The following CNOT6L variants were observed in gnomAD, a reference collection of about 807,000 sequenced individuals.
The protein encoded by CNOT6L is CCR4-NOT transcription complex subunit 6-like.
CNOT6L carries 7 observed loss-of-function variants against 64.0 expected under a neutral mutation model. That is an observed-to-expected ratio of 0.11 (90% confidence interval 0.06 to 0.21). The LOEUF (loss-of-function observed/expected upper bound fraction) is 0.21. Ranked by LOEUF, CNOT6L falls within the 10% of genes least tolerant of loss-of-function variation. CNOT6L has a pLI of 1.00. For synonymous variants in CNOT6L, 193 were observed against 243.4 expected (o/e 0.79, Z 1.93); for missense variants, 245 against 669.0 (o/e 0.37, Z 6.99).
At chr4:77,756,773 A>AAAAACAG in intron 5 of CNOT6L, 89 bp downstream of exon 5, 1 of 765,558 alleles carries the variant, frequency 1.3e-6, no homozygotes, top group South Asian at 1.9e-5. Context: ...GGCAATTATA[A>AAAAACAG]AAAACAGTCA....
chr4:77,738,082 GA>G (rs1231331683), intron 8 of CNOT6L, among the ~76,000 whole-genome samples: 2 of 151,648 alleles, frequency 1.3e-5, no homozygotes, highest in Non-Finnish European at 2.9e-5. Flanking sequence ...GATAATAGAA[GA>G]AAAAAAAGCA....
At chr4:77,740,800 G>A (rs1230752589) in intron 8 of CNOT6L, among the ~76,000 whole-genome samples, 2 of 152,114 alleles carry the variant, frequency 1.3e-5, no homozygotes, top group Admixed American at 1.3e-4. Flanking sequence ...TGATGATGTA[G>A]GTGTCTTAAC....
Position 77,773,164 on chromosome 4 carries a change from T to A in CNOT6L, c.317A>T (p.Glu106Val). The A allele has an allele frequency of 1.3e-6, 2 of 1,554,370 alleles. No homozygotes were observed. Among genetic ancestry groups the A allele is most frequent in the Admixed American group, 2.1e-5 (1 of 46,742 alleles). Reference protein sequence around the residue: ...AELGNMVSLRELLLNNNLLRV... With the variant: ...AELGNMVSLRVLLLNNNLLRV... ...TAACAGATTGTTATTTAAAAGCAAT[T>A]CCCTGTTTTAAAAAAAAAAAAAAAA... Residue 106 changes from glutamate to valine, a missense_variant and splice_region_variant, in exon 4 of 12, where the codon GAA (glutamate) becomes GTA (valine). Glu to Val is a moderately radical substitution (Grantham distance 121). This residue lies in a region of CNOT6L where 78 missense variants were observed against 137.6 expected (regional missense o/e 0.57). Transcript: ENST00000504123.
At chr4:77,784,500 A>ATT (rs71214369) in intron 1 of CNOT6L, among the ~76,000 whole-genome samples, 14,466 of 144,664 alleles carry the variant, frequency 0.1, 998 homozygotes, top group Non-Finnish European at 0.15. Context: ...AATATAATCT[A>ATT]TTTTTTTTTT....
intron 1 of CNOT6L, among the ~76,000 whole-genome samples, chr4:77,783,992 C>T (rs1329965143): frequency 6.6e-6 from 1 of 151,032 alleles, no homozygotes; most frequent in Non-Finnish European, 1.5e-5. Flanking sequence ...CAATAAAGTC[C>T]CTAGATGAAT....
At chr4:77,807,276 C>A (rs1272750166) in intron 1 of CNOT6L, among the ~76,000 whole-genome samples, 351 of 108,118 alleles carry the variant, frequency 3.2e-3, no homozygotes, top group African/African-American at 4.1e-3. Flanking sequence ...GACTCCATCT[C>A]AAAAAAAAAA....
In CNOT6L at chr4:77,774,704, C is replaced by A; in HGVS notation, c.140G>T (p.Ser47Ile). Residue 47 changes from serine (S) to isoleucine (I), a missense_variant, in exon 3 of 12, where the codon AGC (serine) becomes ATC (isoleucine). By Grantham distance (142) the Ser-to-Ile change is moderately radical. Transcript: ENST00000504123. ...CAATGACCAAAGTGATGTACTTAGG[C>A]TCCGCACTCTACCTAAAAGGCAAAA... is the stretch of plus-strand genomic sequence containing the variant. The part of the protein sequence containing the change: ...AELEISGRVR[S>I]LSTSLWSLTH... 6.3e-7 allele frequency: 1 copy of A among 1,586,926 alleles called. No individual in the cohort carries two copies. Among genetic ancestry groups the A allele is most frequent in the Non-Finnish European group, 8.6e-7 (1 of 1,169,188 alleles).
Position 77,801,117 on chromosome 4 carries a change from A to G in CNOT6L, c.5+18187T>C, listed in dbSNP as rs1288988688. On this transcript the variant is annotated intron_variant, in intron 1 of 11. Coordinates refer to ENST00000504123, the MANE Select transcript of CNOT6L (RefSeq NM_144571.3). ...AAGGATAAAGAACAAGAGAACTTAC[A>G]ATGGCTTTGAGTCAAGCTTGGTTCC... is the stretch of plus-strand genomic sequence containing the variant. 3.3e-5 allele frequency among the ~76,000 whole-genome samples: 5 copies of G among 152,304 alleles called. No individual in the cohort carries two copies. The East Asian group carries it at 9.7e-4, about 29-fold the overall frequency.
chr4:77,765,777 G>A (rs914104130), intron 4 of CNOT6L, among the ~76,000 whole-genome samples: 7 of 152,092 alleles, frequency 4.6e-5, no homozygotes, highest in African/African-American at 1.7e-4. Flanking sequence ...TACTTATATA[G>A]GCAACTAAAC....
At chr4:77,730,557 T>C (rs544107198) in intron 9 of CNOT6L, among the ~76,000 whole-genome samples, 8 of 151,974 alleles carry the variant, frequency 5.3e-5, no homozygotes, top group Admixed American at 1.3e-4. Flanking sequence ...AAGAATAAGA[T>C]TGTAAAGGAC....
chr4:77,727,141 A>ATTGTGT (rs1721946313), intron 10 of CNOT6L, among the ~76,000 whole-genome samples: 2 of 152,252 alleles, frequency 1.3e-5, no homozygotes, highest in African/African-American at 4.8e-5. Flanking sequence ...TCAGTATTGT[A>ATTGTGT]AATAGCTCAG....
At position 77,718,045 on chromosome 4, in the gene CNOT6L, T is replaced by TA. The variant is rs397732805; in HGVS notation, c.*2385dup. ...GTTTACAATGTTTCCCATTTTTTTT[T>TA]ATTTTTTCCCTCTACATTTAACTAT... On this transcript the variant is annotated 3_prime_UTR_variant, in exon 12 of 12. Transcript: ENST00000504123. 1 of 152,222 alleles carries TA rather than the reference T, an allele frequency of 6.6e-6. No homozygotes were observed. The highest frequency in any genetic ancestry group is 1.5e-5 in the Non-Finnish European group (1 of 67,940). 9.4% of individuals were successfully genotyped at this position (152,222 alleles called of 1,614,324 possible).
intron 8 of CNOT6L, among the ~76,000 whole-genome samples, chr4:77,734,623 C>A (rs561228523): frequency 1.1e-4 from 17 of 152,214 alleles, no homozygotes; most frequent in African/African-American, 3.6e-4. Flanking sequence ...AATCTAAGAG[C>A]GGCAATCTTT....
intron 1 of CNOT6L, among the ~76,000 whole-genome samples, chr4:77,783,144 A>C (rs1729058426): frequency 9.5e-6 from 1 of 104,958 alleles, no homozygotes. Flanking sequence ...CAGCTCTGTG[A>C]CCACTCAAAA....
chr4:77,780,072 T>C (rs1728691493), intron 1 of CNOT6L, among the ~76,000 whole-genome samples: 1 of 152,166 alleles, frequency 6.6e-6, no homozygotes, highest in African/African-American at 2.4e-5. Flanking sequence ...CTTTCCACCT[T>C]GTAGGCATAC....
intron 1 of CNOT6L, among the ~76,000 whole-genome samples, chr4:77,806,202 G>A (rs1578007293): frequency 6.6e-6 from 1 of 152,228 alleles, no homozygotes. Context: ...GAGGCCGGCG[G>A]ATCACCTGAG....
intron 1 of CNOT6L, among the ~76,000 whole-genome samples, chr4:77,790,265 C>T (rs1222263500): frequency 6.6e-6 from 1 of 152,150 alleles, no homozygotes; most frequent in East Asian, 1.9e-4. Context: ...CACTGAATAA[C>T]ACATCACTGT....
chr4:77,713,840 CAG>C lies in CNOT6L; in HGVS notation c.*6589_*6590del, dbSNP rs1394606468. The C allele has an allele frequency of 5.9e-5, 9 of 152,618 alleles. No homozygotes were observed. The highest frequency in any genetic ancestry group is 5.8e-4 in the East Asian group (3 of 5,172). 9.5% of individuals were successfully genotyped at this position (152,618 alleles called of 1,614,324 possible). A position where few individuals can be genotyped will look rare whatever the true frequency, so the allele number is the denominator to read the frequency against. ...GTAGAACCACTTTCTCCAGGGATGG[CAG>C]AGAGTGTTAAATGGTTAAAACACCT... On this transcript the variant is annotated 3_prime_UTR_variant, in exon 12 of 12. Transcript: ENST00000504123.
Position 77,792,393 on chromosome 4 carries a change from A to T in CNOT6L, c.6-16001T>A, listed in dbSNP as rs1450656368. On this transcript the variant is annotated intron_variant, in intron 1 of 11. Coordinates refer to ENST00000504123, the MANE Select transcript of CNOT6L (RefSeq NM_144571.3). ...AATCCCAGTGGCAGCAACTAAATCA[A>T]GTAGCTATGCTAAACTGAAAATATG... Among the ~76,000 whole-genome samples the T allele has an allele frequency of 2.6e-5, 4 of 152,176 alleles. No homozygotes were observed. In the East Asian group the frequency reaches 7.7e-4, roughly 29 times the overall value.
Sources: gnomAD v4.1 joint callset for allele counts (sites outside exome capture counted in the v4.1 genomes callset) on GRCh38, gnomAD v4.1.1 for gene constraint, gnomAD v4.1.1 regional missense constraint, MANE v1.5 for transcripts, NCBI Gene and HGNC (gene_info 2026-07-23, HGNC 2026-07-21) for gene names.